PBRM1: variants seen among roughly 807,000 people sequenced by gnomAD.
PBRM1 encodes polybromo 1, also known as protein polybromo-1.
In PBRM1, 27 loss-of-function variants were observed where a neutral mutation model predicts 194.5. That is an observed-to-expected ratio of 0.14 (90% CI 0.10 to 0.19). PBRM1 has a LOEUF of 0.19. Ranked by LOEUF, PBRM1 falls within the 10% of genes least tolerant of loss-of-function variation. The probability of loss-of-function intolerance (pLI) is 1.00; values close to 1 mark genes in which losing one functional copy is unlikely to be tolerated. For synonymous variants in PBRM1, 655 were observed against 693.2 expected (o/e 0.94, Z 0.87); for missense variants, 1,466 against 2,077.2 (o/e 0.71, Z 5.72).
Position 52,550,837 on chromosome 3 carries a change from G to A in PBRM1, c.4610-20C>T. 1 of 1,533,068 alleles carries A rather than the reference G, an allele frequency of 6.5e-7. No individual in the cohort carries two copies. Among genetic ancestry groups the A allele is most frequent in the Non-Finnish European group, 9.0e-7 (1 of 1,107,530 alleles). 95.0% of individuals were successfully genotyped at this position (1,533,068 alleles called of 1,614,324 possible). On this transcript the variant is annotated intron_variant, in intron 27 of 29. Transcript: ENST00000296302. ...TCACACCTATAATTCAGAATGCAAT[G>A]GCACAGTTAGAGGCTCTGGGTTGAA...
chr3:52,597,106 A>C (rs1409462486), intron 17 of PBRM1, among the ~76,000 whole-genome samples: 1 of 152,040 alleles, frequency 6.6e-6, no homozygotes, highest in African/African-American at 2.4e-5. Flanking sequence ...CAAATCCCTC[A>C]ATCACTGTGC....
intron 7 of PBRM1, among the ~76,000 whole-genome samples, chr3:52,647,732 A>G (rs1473320356): frequency 6.6e-6 from 1 of 151,890 alleles, no homozygotes; most frequent in African/African-American, 2.4e-5. Flanking sequence ...GTCGCAAAAA[A>G]TCCATATCAC....
chr3:52,600,197 T>A (rs2093893546), intron 17 of PBRM1, among the ~76,000 whole-genome samples: 1 of 152,182 alleles, frequency 6.6e-6, no homozygotes, highest in Non-Finnish European at 1.5e-5. Flanking sequence ...GACTCCTCTG[T>A]AACTGGATGT....
intron 3 of PBRM1, among the ~76,000 whole-genome samples, chr3:52,666,321 T>C (rs187005439): frequency 6.6e-6 from 1 of 152,112 alleles, no homozygotes. Context: ...GGCAGGCAGA[T>C]CACCTGAGGT....
intron 24 of PBRM1, among the ~76,000 whole-genome samples, chr3:52,562,922 T>TA: frequency 6.6e-6 from 1 of 152,100 alleles, no homozygotes. Flanking sequence ...AAGGAGAGAT[T>TA]AAAAAGACAC....
intron 6 of PBRM1, 61 bp from the exon 8 acceptor site, chr3:52,648,503 A>G: frequency 1.2e-6 from 1 of 841,726 alleles, no homozygotes; most frequent in Non-Finnish European, 1.9e-6. Context: ...TACAACCTTT[A>G]AAAAAAGAAC....
intron 14 of PBRM1, among the ~76,000 whole-genome samples, chr3:52,616,631 T>C (rs1033626534): frequency 1.3e-5 from 2 of 152,204 alleles, no homozygotes; most frequent in Non-Finnish European, 2.9e-5. Context: ...AGGCGGAGCT[T>C]GCAGTGAGCT....
intron 13 of PBRM1, among the ~76,000 whole-genome samples, chr3:52,622,865 A>G (rs1228741973): frequency 6.6e-6 from 1 of 152,220 alleles, no homozygotes; most frequent in Non-Finnish European, 1.5e-5. Flanking sequence ...ATATATACTA[A>G]TATTTACAAA....
At chr3:52,552,386 C>T (rs1266977241) in intron 27 of PBRM1, among the ~76,000 whole-genome samples, 3 of 152,248 alleles carry the variant, frequency 2.0e-5, no homozygotes, top group Non-Finnish European at 4.4e-5. Context: ...TCCTCTAAGC[C>T]TGCTCAGACA....
chr3:52,576,956 A>G (rs570639398), intron 21 of PBRM1, among the ~76,000 whole-genome samples: 90 of 152,366 alleles, frequency 5.9e-4, no homozygotes, highest in African/African-American at 2.1e-3. Flanking sequence ...ACAAAACTTA[A>G]TAGTTTTATC....
At chr3:52,576,426 A>C (rs1560003744) in intron 22 of PBRM1, 115 bp downstream of exon 24, 2 of 618,078 alleles carry the variant, frequency 3.2e-6, no homozygotes, top group East Asian at 6.1e-5. Flanking sequence ...GAGAACAGAG[A>C]TTTGGATTTG....
At chr3:52,644,477 C>T (rs983305502) in intron 8 of PBRM1, among the ~76,000 whole-genome samples, 3 of 152,184 alleles carry the variant, frequency 2.0e-5, no homozygotes, top group South Asian at 4.2e-4. Flanking sequence ...CTCTGCCTCC[C>T]GGGTTCAAGC....
intron 15 of PBRM1, among the ~76,000 whole-genome samples, chr3:52,611,510 T>C (rs1232482141): frequency 3.3e-5 from 5 of 152,038 alleles, no homozygotes. Flanking sequence ...CACATGAAAG[T>C]ACAACATAGT....
At chr3:52,595,832 C>T (rs1004838800) in intron 17 of PBRM1, among the ~76,000 whole-genome samples, 7 of 152,146 alleles carry the variant, frequency 4.6e-5, no homozygotes, top group African/African-American at 7.2e-5. Context: ...TGGCAAGAGA[C>T]GGGGCTAATT....
chr3:52,600,593 T>C (rs2093921106), intron 17 of PBRM1, among the ~76,000 whole-genome samples: 7 of 152,234 alleles, frequency 4.6e-5, no homozygotes, highest in Admixed American at 4.6e-4. Context: ...TTGTAATGTT[T>C]CTAAGAATTA....
At chr3:52,679,578 T>G in exon 1 of PBRM1, 1 of 1,612,546 alleles carries the variant, frequency 6.2e-7, no homozygotes. Context: ...ACTCACAGGA[T>G]CTACAGTTGG....
exon 5 of PBRM1, chr3:52,658,271 T>G: frequency 1.2e-6 from 2 of 1,613,060 alleles, no homozygotes; most frequent in South Asian, 1.1e-5. Context: ...CAACTATGGC[T>G]TCAAGAAGCT....
At chr3:52,683,771 T>C (rs1476057450), upstream of PBRM1, among the ~76,000 whole-genome samples, 1 of 78,482 alleles carries the variant, frequency 1.3e-5, no homozygotes, top group African/African-American at 5.4e-5. Context: ...TGAGCTGGGA[T>C]TGCGCCACTG....
At chr3:52,614,460 T>C (rs2094840536) in intron 15 of PBRM1, among the ~76,000 whole-genome samples, 1 of 151,286 alleles carries the variant, frequency 6.6e-6, no homozygotes, top group Admixed American at 6.6e-5. Context: ...ATGAGTATCA[T>C]TATCAATTGC....
Sources: gnomAD v4.1 joint callset for allele counts (sites outside exome capture counted in the v4.1 genomes callset) on GRCh38, gnomAD v4.1.1 for gene constraint, MANE v1.5 for transcripts, NCBI Gene and HGNC (gene_info 2026-07-23, HGNC 2026-07-21) for gene names.